BCAR3: variants seen among roughly 807,000 people sequenced by gnomAD.
BCAR3 encodes the protein BCAR3 adaptor protein, NSP family member, also known as breast cancer anti-estrogen resistance protein 3.
A neutral mutation model predicts 80.1 loss-of-function variants in BCAR3; 37 were observed. That is an observed-to-expected ratio of 0.46 (90% confidence interval 0.36 to 0.61). The LOEUF is 0.61. Ranked by LOEUF, BCAR3 falls within the 20% of genes least tolerant of loss-of-function variation. The probability of loss-of-function intolerance (pLI) is 0.00; values close to 1 mark genes in which losing one functional copy is unlikely to be tolerated. For missense variants in BCAR3, 978 were observed against 1,068.2 expected (o/e 0.92, Z 1.18); for synonymous variants, 389 against 418.9 (o/e 0.93, Z 0.87).
intron 2 of BCAR3, among the ~76,000 whole-genome samples, chr1:93,728,682 T>C (rs1192442729): frequency 6.6e-6 from 1 of 152,216 alleles, no homozygotes; most frequent in Non-Finnish European, 1.5e-5. Context: ...GTCAATGGCC[T>C]GCAGGCATGC....
intron 2 of BCAR3, among the ~76,000 whole-genome samples, chr1:93,831,029 C>G (rs566446788): frequency 6.6e-6 from 1 of 152,106 alleles, no homozygotes; most frequent in African/African-American, 2.4e-5. Context: ...ACATTTTATC[C>G]GTGGACCCAA....
intron 3 of BCAR3, among the ~76,000 whole-genome samples, chr1:93,628,200 C>T (rs1213079782): frequency 6.6e-6 from 1 of 152,104 alleles, no homozygotes; most frequent in African/African-American, 2.4e-5. Context: ...ACCTCATGTC[C>T]AATCCATCAG....
At chr1:93,750,249 G>A (rs1651510027) in intron 2 of BCAR3, among the ~76,000 whole-genome samples, 1 of 152,158 alleles carries the variant, frequency 6.6e-6, no homozygotes. Context: ...GAAAACCACT[G>A]CATTTCAGGC....
intron 2 of BCAR3, among the ~76,000 whole-genome samples, chr1:93,752,256 A>T (rs1651584022): frequency 6.6e-6 from 1 of 152,184 alleles, no homozygotes; most frequent in African/African-American, 2.4e-5. Flanking sequence ...TCTTGTCATG[A>T]CTGTGATGCT....
intron 2 of BCAR3, among the ~76,000 whole-genome samples, chr1:93,735,458 C>T (rs1557670261): frequency 6.6e-6 from 1 of 152,222 alleles, no homozygotes; most frequent in Non-Finnish European, 1.5e-5. Context: ...GGCACTTTTG[C>T]TTTCGGAGAC....
At chr1:93,813,777 T>C (rs976799964) in intron 2 of BCAR3, among the ~76,000 whole-genome samples, 1 of 152,232 alleles carries the variant, frequency 6.6e-6, no homozygotes, top group Non-Finnish European at 1.5e-5. Flanking sequence ...CAAATTCAGA[T>C]TACGTCAATT....
rs577631533 is a variant in BCAR3 at position 93,728,777 on chromosome 1, C to T, written c.-62-22635G>A. Among the ~76,000 whole-genome samples, 5 of 152,294 alleles carry T rather than the reference C, an allele frequency of 3.3e-5. No homozygotes were observed. The South Asian group carries it at 1.0e-3, about 32-fold the overall frequency. ...GCCACTTGTGTCTTCCTCCACCGAT[C>T]TGCTTCTCTCAACATCCAGCCATCT... On this transcript the variant is annotated intron_variant, in intron 2 of 13. Transcript: ENST00000370244.
chr1:93,840,114 G>A (rs1654905160), intron 2 of BCAR3, among the ~76,000 whole-genome samples: 1 of 152,168 alleles, frequency 6.6e-6, no homozygotes, highest in African/African-American at 2.4e-5. Context: ...TGATTTAACT[G>A]GCCTCAGGGT....
chr1:93,690,150 A>G (rs541278147), intron 3 of BCAR3, among the ~76,000 whole-genome samples: 2 of 152,226 alleles, frequency 1.3e-5, no homozygotes, highest in Non-Finnish European at 2.9e-5. Context: ...TGCCCTTTTC[A>G]TGTGAAAATA....
At chr1:93,773,097 G>T (rs914674029) in intron 2 of BCAR3, among the ~76,000 whole-genome samples, 2 of 152,282 alleles carry the variant, frequency 1.3e-5, no homozygotes, top group Middle Eastern at 3.4e-3. Context: ...AGATTGATAG[G>T]TTAGTTGGAA....
chr1:93,825,632 C>T (rs1307767898), intron 2 of BCAR3, among the ~76,000 whole-genome samples: 4 of 81,460 alleles, frequency 4.9e-5, no homozygotes, highest in Non-Finnish European at 9.6e-5. Context: ...ACTTTGAGCT[C>T]GGCCTTCCAC....
intron 2 of BCAR3, among the ~76,000 whole-genome samples, chr1:93,707,191 G>A (rs531043973): frequency 6.1e-4 from 93 of 151,958 alleles, no homozygotes; most frequent in Non-Finnish European, 1.1e-3. Flanking sequence ...AACAAAAAAA[G>A]TATACAGTTT....
At chr1:93,759,582 C>T (rs1651864846) in intron 2 of BCAR3, among the ~76,000 whole-genome samples, 2 of 152,202 alleles carry the variant, frequency 1.3e-5, no homozygotes, top group Admixed American at 1.3e-4. Context: ...TTCATGCCAA[C>T]TGCATCAATC....
intron 2 of BCAR3, among the ~76,000 whole-genome samples, chr1:93,829,286 G>A (rs1350609630): frequency 3.3e-5 from 5 of 152,010 alleles, no homozygotes; most frequent in Admixed American, 6.5e-5. Context: ...TCCACCTGGT[G>A]GTGGCTATAC....
intron 2 of BCAR3, among the ~76,000 whole-genome samples, chr1:93,667,845 A>G (rs1286276160): frequency 6.6e-6 from 1 of 152,166 alleles, no homozygotes; most frequent in East Asian, 1.9e-4. Context: ...ACCTAGACCA[A>G]TCCCCCTGAG....
At chr1:93,703,999 C>T (rs532661875) in intron 3 of BCAR3, among the ~76,000 whole-genome samples, 20 of 152,336 alleles carry the variant, frequency 1.3e-4, no homozygotes, top group African/African-American at 4.3e-4. Context: ...CAGTTATTCA[C>T]ACTAGCCACA....
At chr1:93,763,993 T>C (rs536363984) in intron 2 of BCAR3, among the ~76,000 whole-genome samples, 1 of 152,256 alleles carries the variant, frequency 6.6e-6, no homozygotes, top group East Asian at 1.9e-4. Flanking sequence ...ATGGACTACC[T>C]TGGACCTCAC....
chr1:93,743,853 T>C (rs1027835828), intron 2 of BCAR3, among the ~76,000 whole-genome samples: 3 of 152,238 alleles, frequency 2.0e-5, no homozygotes, highest in African/African-American at 7.2e-5. Context: ...TCCACATTAC[T>C]GTTGTCTGTT....
intron 2 of BCAR3, among the ~76,000 whole-genome samples, chr1:93,674,202 G>A (rs1329664786): frequency 6.6e-6 from 1 of 152,214 alleles, no homozygotes; most frequent in Non-Finnish European, 1.5e-5. Context: ...AACTGTTGGA[G>A]CCGGCTGACA....
Sources: gnomAD v4.1 joint callset for allele counts (sites outside exome capture counted in the v4.1 genomes callset) on GRCh38, gnomAD v4.1.1 for gene constraint, MANE v1.5 for transcripts, NCBI Gene and HGNC (gene_info 2026-07-23, HGNC 2026-07-21) for gene names.